Variants in CDK8 observed in about 807,000 individuals in gnomAD.
CDK8 encodes cyclin dependent kinase 8.
In CDK8, 29 loss-of-function variants were observed where a neutral mutation model predicts 71.5. The ratio of observed to expected loss-of-function variants is 0.41; its 90% CI spans 0.30 to 0.55. CDK8 has a LOEUF of 0.55. Ranked by LOEUF, CDK8 falls within the 20% of genes least tolerant of loss-of-function variation. The pLI is 0.37. For synonymous variants in CDK8, 161 were observed against 192.1 expected, an observed-to-expected ratio of 0.84 and a Z score of 1.34; for missense variants, 288 against 572.6, an observed-to-expected ratio of 0.50 and a Z score of 5.07.
intron 1 of CDK8, among the ~76,000 whole-genome samples, chr13:26,331,395 G>A (rs1016062207): frequency 2.0e-5 from 3 of 152,174 alleles, no homozygotes; most frequent in African/African-American, 7.2e-5. Flanking sequence ...TCAACAGGCT[G>A]TCTCTTCACT....
At position 26,299,620 on chromosome 13, in the gene CDK8, C is replaced by A. The variant is rs189604237; in HGVS notation, c.129-37947C>A. ...AATGCAGTGATTTCAGTCATCTTGG[C>A]ATATCTTGCCTCTAGCATGGGGTTT... On this transcript the variant is annotated intron_variant, in intron 1 of 12. Transcript: ENST00000381527. 1.7e-4 allele frequency among the ~76,000 whole-genome samples: 26 copies of A among 152,286 alleles called. 1 individual carries two copies. The highest frequency in any genetic ancestry group is 3.9e-4 in the Admixed American group (6 of 15,284).
chr13:26,402,333 G>A (rs1182211128), intron 12 of CDK8, among the ~76,000 whole-genome samples: 6 of 152,144 alleles, frequency 3.9e-5, no homozygotes, highest in South Asian at 4.1e-4. Flanking sequence ...TGTCAGTTAC[G>A]TTGTGGAAAG....
intron 1 of CDK8, among the ~76,000 whole-genome samples, chr13:26,312,432 T>C (rs1375420667): frequency 6.6e-6 from 1 of 152,170 alleles, no homozygotes; most frequent in African/African-American, 2.4e-5. Context: ...GTCTGCGGCT[T>C]CATTCCTGAA....
intron 4 of CDK8, among the ~76,000 whole-genome samples, chr13:26,379,899 T>C (rs1274142502): frequency 6.6e-6 from 1 of 152,214 alleles, no homozygotes; most frequent in African/African-American, 2.4e-5. Flanking sequence ...AAAATGTTTG[T>C]GTATTACTTC....
intron 1 of CDK8, among the ~76,000 whole-genome samples, chr13:26,318,679 A>G (rs757837580): frequency 3.9e-5 from 6 of 152,240 alleles, no homozygotes; most frequent in East Asian, 1.9e-4. Context: ...TTGTTGTAAT[A>G]TACCACATTA....
At chr13:26,264,680 G>A (rs916842794) in intron 1 of CDK8, among the ~76,000 whole-genome samples, 23 of 152,126 alleles carry the variant, frequency 1.5e-4, no homozygotes, top group Non-Finnish European at 2.1e-4. Flanking sequence ...TTTCTATTAC[G>A]TTAATCTATA....
rs147601970 is a variant in CDK8, at chr13:26,283,754, C to T, written c.128+28985C>T. ...CTCTACTAAAATACAAAAAATTAGC[C>T]AGCCGTGGTGGCGTGCGCCTATAGT... On this transcript the variant is annotated intron_variant, in intron 1 of 12. Coordinates refer to ENST00000381527, the MANE Select transcript of CDK8 (RefSeq NM_001260.3). Among the ~76,000 whole-genome samples the T allele has an allele frequency of 6.3e-3, 960 of 151,686 alleles. 12 individuals are homozygous for T. The highest frequency in any genetic ancestry group is 0.021 in the African/African-American group (861 of 41,312).
intron 6 of CDK8, 118 bp downstream of exon 6, chr13:26,385,460 T>C (rs1875430583): frequency 5.2e-6 from 4 of 766,770 alleles, no homozygotes; most frequent in African/African-American, 1.8e-5. Context: ...GCAGACTGAG[T>C]GTGATGGCTC....
chr13:26,345,998 A>G (rs1466115174), intron 2 of CDK8, among the ~76,000 whole-genome samples: 1 of 152,222 alleles, frequency 6.6e-6, no homozygotes, highest in Non-Finnish European at 1.5e-5. Flanking sequence ...TTGTAAAGAC[A>G]CATAATCCAG....
At chr13:26,323,246 ATCTTCCTGGCTTCCTT>A (rs1268538038) in intron 1 of CDK8, among the ~76,000 whole-genome samples, 1 of 151,360 alleles carries the variant, frequency 6.6e-6, no homozygotes, top group Non-Finnish European at 1.5e-5. Context: ...GGTGAGGGCT[ATCTTCCTGGCTTCCTT>A]TCTTCCTGGC....
chr13:26,283,241 T>C (rs1445357254), intron 1 of CDK8, among the ~76,000 whole-genome samples: 1 of 152,214 alleles, frequency 6.6e-6, no homozygotes, highest in Non-Finnish European at 1.5e-5. Context: ...AACTGCAGAA[T>C]ATACATTCTT....
At chr13:26,377,469 T>C (rs934621613) in intron 4 of CDK8, among the ~76,000 whole-genome samples, 9 of 152,240 alleles carry the variant, frequency 5.9e-5, no homozygotes, top group African/African-American at 1.9e-4. Context: ...AGAATGAAGT[T>C]AGGTGTTTAT....
intron 4 of CDK8, among the ~76,000 whole-genome samples, chr13:26,368,193 A>C (rs376469156): frequency 1.3e-5 from 2 of 152,170 alleles, no homozygotes; most frequent in African/African-American, 4.8e-5. Flanking sequence ...TAATTGCCTC[A>C]TGGTCTTGCT....
chr13:26,272,215 G>T (rs1872360663), intron 1 of CDK8, among the ~76,000 whole-genome samples: 1 of 151,748 alleles, frequency 6.6e-6, no homozygotes, highest in Admixed American at 6.6e-5. Flanking sequence ...TTTTTGGCTG[G>T]GCGTAGTGGG....
At chr13:26,380,761 G>A (rs1339204157) in intron 4 of CDK8, among the ~76,000 whole-genome samples, 3 of 152,192 alleles carry the variant, frequency 2.0e-5, no homozygotes, top group South Asian at 2.1e-4. Context: ...CATTACAGGC[G>A]TGAGCTACTG....
At chr13:26,384,855 C>T (rs1206133888) in intron 5 of CDK8, among the ~76,000 whole-genome samples, 1 of 152,202 alleles carries the variant, frequency 6.6e-6, no homozygotes, top group Non-Finnish European at 1.5e-5. Flanking sequence ...TAACTGATCC[C>T]ATTTCCTGGT....
At chr13:26,365,388 A>G (rs1433148112) in intron 4 of CDK8, among the ~76,000 whole-genome samples, 2 of 152,134 alleles carry the variant, frequency 1.3e-5, no homozygotes, top group African/African-American at 4.8e-5. Context: ...GAGCATGCAC[A>G]ATGTACTGTT....
At chr13:26,392,287 C>T (rs375133190) in intron 6 of CDK8, among the ~76,000 whole-genome samples, 23 of 150,226 alleles carry the variant, frequency 1.5e-4, no homozygotes, top group Admixed American at 1.2e-3. Flanking sequence ...AACCCATTTG[C>T]CTGGCTTTTG....
At chr13:26,329,746 C>T (rs1051281278) in intron 1 of CDK8, among the ~76,000 whole-genome samples, 12 of 151,958 alleles carry the variant, frequency 7.9e-5, no homozygotes, top group African/African-American at 2.9e-4. Flanking sequence ...TCAGGTGATC[C>T]GCCCACCTCG....
Sources: allele counts gnomAD v4.1 joint callset (sites outside exome capture counted in the v4.1 genomes callset), GRCh38; gene constraint gnomAD v4.1.1; transcripts MANE v1.5; gene names NCBI Gene and HGNC (gene_info 2026-07-23, HGNC 2026-07-21).